The following SCUBE1 variants were observed in gnomAD, a reference collection of about 807,000 sequenced individuals.
SCUBE1 encodes signal peptide, CUB domain and EGF like domain containing 1.
Under a neutral mutation model 124.4 loss-of-function variants are expected in SCUBE1, and 59 were observed. The ratio of observed to expected loss-of-function variants is 0.47; its 90% CI spans 0.38 to 0.59. SCUBE1 has a LOEUF of 0.59. SCUBE1 is among the 20% of genes least tolerant of loss of function. The pLI is 0.00. For missense variants in SCUBE1, 1,150 were observed against 1,371.2 expected (o/e 0.84, Z 2.55); for synonymous variants, 545 against 550.9 (o/e 0.99, Z 0.15).
At chr22:43,307,879 C>T (rs1234004257) in intron 3 of SCUBE1, among the ~76,000 whole-genome samples, 1 of 152,224 alleles carries the variant, frequency 6.6e-6, no homozygotes, top group African/African-American at 2.4e-5. Context: ...CCCAGCAAGT[C>T]AGTGGCCTAA....
At chr22:43,272,056 T>C (rs761998680) in intron 4 of SCUBE1, among the ~76,000 whole-genome samples, 5 of 152,116 alleles carry the variant, frequency 3.3e-5, no homozygotes, top group Non-Finnish European at 7.4e-5. Flanking sequence ...CTCCATTAAG[T>C]GCTCACCTCA....
chr22:43,269,072 A>C (rs1924188817), intron 4 of SCUBE1, among the ~76,000 whole-genome samples: 1 of 152,154 alleles, frequency 6.6e-6, no homozygotes, highest in Admixed American at 6.5e-5. Flanking sequence ...GGACCCTCAC[A>C]ACAAGCCTGA....
At chr22:43,259,666 G>C (rs778955776) in intron 5 of SCUBE1, among the ~76,000 whole-genome samples, 1 of 152,222 alleles carries the variant, frequency 6.6e-6, no homozygotes, top group Admixed American at 6.5e-5. Context: ...CAGCGGGCGA[G>C]GAGGATGTCA....
Position 43,198,265 on chromosome 22 carries a change from C to A in SCUBE1, c.*5732G>T. ...TGGGGCTTGGGGGGTGCAGACAATTCCAGGGGGCTCACTCAGGGGCTCTGA... is the reference window on the plus strand; with the variant it reads ...TGGGGCTTGGGGGGTGCAGACAATTACAGGGGGCTCACTCAGGGGCTCTGA... On this transcript the variant is annotated 3_prime_UTR_variant, in exon 22 of 22. Transcript: ENST00000360835. 3.3e-6 allele frequency: 1 copy of A among 302,098 alleles called. No homozygotes were observed. Among genetic ancestry groups the A allele is most frequent in the South Asian group, 2.8e-5 (1 of 35,184 alleles). 18.7% of individuals were successfully genotyped at this position (302,098 alleles called of 1,614,324 possible). A position where few individuals can be genotyped will look rare whatever the true frequency, so the allele number is the denominator to read the frequency against.
intron 6 of SCUBE1, among the ~76,000 whole-genome samples, chr22:43,239,390 C>A (rs1379155983): frequency 6.6e-6 from 1 of 152,264 alleles, no homozygotes; most frequent in Admixed American, 6.5e-5. Context: ...CCCAAATGCA[C>A]CTCAGTACAG....
intron 1 of SCUBE1, among the ~76,000 whole-genome samples, chr22:43,342,929 T>A (rs1927375189): frequency 6.6e-6 from 1 of 151,170 alleles, no homozygotes. Context: ...CGCTCGCGCT[T>A]CCCCTCCCGG....
chr22:43,219,914 T>C (rs1478854114), intron 14 of SCUBE1, among the ~76,000 whole-genome samples: 2 of 151,480 alleles, frequency 1.3e-5, no homozygotes. Context: ...GCTGAGAGTG[T>C]TACCTGGGTG....
At chr22:43,221,818 C>T (rs893545707) in intron 12 of SCUBE1, among the ~76,000 whole-genome samples, 1 of 152,166 alleles carries the variant, frequency 6.6e-6, no homozygotes, top group Non-Finnish European at 1.5e-5. Flanking sequence ...AATCCTAGCA[C>T]TCTGGGAGGC....
chr22:43,280,445 C>T (rs1924735376), intron 4 of SCUBE1, among the ~76,000 whole-genome samples: 1 of 125,256 alleles, frequency 8.0e-6, no homozygotes, highest in African/African-American at 3.7e-5. Context: ...ACCCATCCCC[C>T]TGTCCCTTCC....
chr22:43,256,501 A>C (rs1280116222), intron 6 of SCUBE1, among the ~76,000 whole-genome samples: 1 of 152,166 alleles, frequency 6.6e-6, no homozygotes, highest in Non-Finnish European at 1.5e-5. Flanking sequence ...AAGTAGCAGC[A>C]GCAGGGGCTG....
chr22:43,235,573 G>C (rs892928551), intron 7 of SCUBE1, among the ~76,000 whole-genome samples: 1 of 152,168 alleles, frequency 6.6e-6, no homozygotes, highest in Non-Finnish European at 1.5e-5. Context: ...GCGGTAGGTG[G>C]GGGGTTCTCC....
In SCUBE1 at chr22:43,320,127, C is replaced by A. The variant is rs1295909718; in HGVS notation, c.221-62G>T. ...AGCCTGGTGGTCCCCTCTCCCAACA[C>A]CATGGAAGCCACCGGGATCTGAGTG... On this transcript the variant is annotated intron_variant, in intron 2 of 21. Coordinates refer to ENST00000360835, the MANE Select transcript of SCUBE1 (RefSeq NM_173050.5). 5.0e-6 allele frequency: 8 copies of A among 1,596,870 alleles called. No homozygotes were observed. The South Asian group carries it at 9.0e-5, about 18-fold the overall frequency.
intron 3 of SCUBE1, among the ~76,000 whole-genome samples, chr22:43,307,705 G>A (rs762320245): frequency 7.9e-5 from 12 of 152,172 alleles, no homozygotes; most frequent in African/African-American, 1.2e-4. Context: ...CTTGTCTCCC[G>A]TTCAGCCACA....
intron 4 of SCUBE1, among the ~76,000 whole-genome samples, chr22:43,273,864 C>T (rs914324195): frequency 2.0e-5 from 3 of 152,128 alleles, no homozygotes; most frequent in Non-Finnish European, 4.4e-5. Flanking sequence ...TGAGCCACCA[C>T]GCGCAGCTTA....
At chr22:43,293,859 C>A (rs1925462214) in intron 3 of SCUBE1, among the ~76,000 whole-genome samples, 1 of 152,212 alleles carries the variant, frequency 6.6e-6, no homozygotes. Context: ...AGAAATGCTA[C>A]CTCATCCCTG....
chr22:43,266,497 G>A (rs903521023), intron 4 of SCUBE1, among the ~76,000 whole-genome samples: 8 of 152,302 alleles, frequency 5.3e-5, no homozygotes, highest in East Asian at 3.9e-4. Context: ...CGTGGCTGGC[G>A]GAACCACAGA....
Position 43,220,524 on chromosome 22 carries a change from C to A in SCUBE1, c.1613G>T (p.Arg538Leu), listed in dbSNP as rs143137953. ...GGACACCTCCTTGGATGGGGACTTGCGGCCACGGCGCCTCTTCTTGGAGGA... is the reference window on the plus strand; with the variant it reads ...GGACACCTCCTTGGATGGGGACTTGAGGCCACGGCGCCTCTTCTTGGAGGA... ...CDSSKKRRRG[R>L]KSPSKEVSHI... The change falls in exon 14 of 22, where the codon CGC becomes CTC. Residue 538 changes from arginine (R) to leucine (L), a missense_variant. Arg to Leu is a moderately radical substitution (Grantham distance 102, BLOSUM62 -2). Transcript: ENST00000360835. 6.2e-7 allele frequency: 1 copy of A among 1,614,116 alleles called. No individual in the cohort carries two copies. Among genetic ancestry groups the A allele is most frequent in the Non-Finnish European group, 8.5e-7 (1 of 1,180,006 alleles).
intron 2 of SCUBE1, among the ~76,000 whole-genome samples, chr22:43,332,306 A>G (rs916049221): frequency 6.6e-6 from 1 of 152,134 alleles, no homozygotes; most frequent in African/African-American, 2.4e-5. Flanking sequence ...CAGAAATAAC[A>G]ATAATAGCTC....
chr22:43,325,993 T>C (rs1926715627), intron 2 of SCUBE1, among the ~76,000 whole-genome samples: 1 of 151,956 alleles, frequency 6.6e-6, no homozygotes, highest in South Asian at 2.1e-4. Context: ...AAAATATACA[T>C]TTACTCTGTG....
Sources: gnomAD v4.1 joint callset for allele counts (sites outside exome capture counted in the v4.1 genomes callset) on GRCh38, gnomAD v4.1.1 for gene constraint, MANE v1.5 for transcripts, NCBI Gene and HGNC (gene_info 2026-07-23, HGNC 2026-07-21) for gene names.